SPOCK1: variants seen among roughly 807,000 people sequenced by gnomAD.
The protein encoded by SPOCK1 is SPARC (osteonectin), cwcv and kazal like domains proteoglycan 1.
SPOCK1 carries 23 observed loss-of-function variants against 55.3 expected under a neutral mutation model. The observed-to-expected ratio is 0.42, with a 90% CI of 0.30 to 0.59. SPOCK1 has a LOEUF of 0.59. SPOCK1 is among the 20% of genes least tolerant of loss of function. The probability of loss-of-function intolerance (pLI) is 0.22; values close to 1 mark genes in which losing one functional copy is unlikely to be tolerated. For synonymous variants in SPOCK1, 226 were observed against 221.0 expected (o/e 1.02, Z -0.20); for missense variants, 499 against 552.5 (o/e 0.90, Z 0.97).
chr5:137,227,741 G>T (rs983048543), intron 3 of SPOCK1, among the ~76,000 whole-genome samples: 2 of 152,188 alleles, frequency 1.3e-5, no homozygotes, highest in Admixed American at 1.3e-4. Flanking sequence ...ATGAGGGCAA[G>T]TTATCGTAGG....
chr5:137,342,783 C>T (rs1377951150), intron 2 of SPOCK1, among the ~76,000 whole-genome samples: 2 of 152,214 alleles, frequency 1.3e-5, no homozygotes, highest in Non-Finnish European at 2.9e-5. Flanking sequence ...TTGGCAACAC[C>T]GGAGAGTAGA....
chr5:136,981,994 A>G (rs1163221751), intron 9 of SPOCK1, among the ~76,000 whole-genome samples: 2 of 152,342 alleles, frequency 1.3e-5, no homozygotes, highest in East Asian at 3.9e-4. Flanking sequence ...TTCTATGTTT[A>G]GATATAAAAA....
At chr5:137,207,321 G>T (rs1755536661) in intron 3 of SPOCK1, among the ~76,000 whole-genome samples, 1 of 152,244 alleles carries the variant, frequency 6.6e-6, no homozygotes, top group Non-Finnish European at 1.5e-5. Flanking sequence ...GTGGGGGGCT[G>T]TTCTAAGTTG....
At chr5:137,473,654 C>T (rs984126173) in intron 2 of SPOCK1, among the ~76,000 whole-genome samples, 1 of 152,070 alleles carries the variant, frequency 6.6e-6, no homozygotes, top group East Asian at 1.9e-4. Flanking sequence ...AAAACCTAAT[C>T]GTATATTAAC....
chr5:137,313,020 C>T (rs972765350), intron 2 of SPOCK1, among the ~76,000 whole-genome samples: 28 of 152,134 alleles, frequency 1.8e-4, no homozygotes, highest in African/African-American at 6.0e-4. Flanking sequence ...TCCTGGGTTG[C>T]TGTCTTCCCC....
intron 2 of SPOCK1, among the ~76,000 whole-genome samples, chr5:137,348,418 T>G (rs1233990206): frequency 6.6e-6 from 1 of 151,412 alleles, no homozygotes; most frequent in African/African-American, 2.4e-5. Context: ...ACTTGGTGAT[T>G]TTGTACCCTT....
intron 5 of SPOCK1, among the ~76,000 whole-genome samples, chr5:137,078,896 C>T (rs1268815873): frequency 2.0e-5 from 3 of 152,186 alleles, no homozygotes; most frequent in African/African-American, 7.2e-5. Context: ...ATCCTGCTAT[C>T]CTCAGACAAA....
intron 3 of SPOCK1, among the ~76,000 whole-genome samples, chr5:137,233,713 C>CTTTTTTTTTT (rs56328555): frequency 3.6e-4 from 21 of 58,408 alleles, no homozygotes; most frequent in African/African-American, 7.3e-4. Flanking sequence ...AGGATATGCA[C>CTTTTTTTTTT]TTTTTTTTTT....
chr5:137,019,380 C>T (rs966260868), intron 6 of SPOCK1, among the ~76,000 whole-genome samples: 3 of 152,092 alleles, frequency 2.0e-5, no homozygotes, highest in African/African-American at 4.8e-5. Flanking sequence ...GTTATACATA[C>T]AGTTTAGTGC....
chr5:137,448,569 C>T (rs1207018907), intron 2 of SPOCK1, among the ~76,000 whole-genome samples: 1 of 152,104 alleles, frequency 6.6e-6, no homozygotes, highest in African/African-American at 2.4e-5. Flanking sequence ...GGTATAGCCA[C>T]TAAATGGAAT....
chr5:137,209,133 C>A (rs1755566799), intron 3 of SPOCK1, among the ~76,000 whole-genome samples: 1 of 152,184 alleles, frequency 6.6e-6, no homozygotes, highest in South Asian at 2.1e-4. Context: ...CACCCTTCAA[C>A]CTAATGAGAC....
At chr5:137,010,005 GT>G (rs1751321308) in intron 6 of SPOCK1, among the ~76,000 whole-genome samples, 1 of 152,118 alleles carries the variant, frequency 6.6e-6, no homozygotes, top group African/African-American at 2.4e-5. Flanking sequence ...CTTCAAATAT[GT>G]GTTCACCTGG....
At chr5:137,301,275 C>T (rs936162868) in intron 2 of SPOCK1, among the ~76,000 whole-genome samples, 1 of 152,184 alleles carries the variant, frequency 6.6e-6, no homozygotes, top group South Asian at 2.1e-4. Context: ...AGAGCAGATC[C>T]CAGTAGATGC....
At chr5:137,039,465 C>G (rs1446227477) in intron 6 of SPOCK1, among the ~76,000 whole-genome samples, 1 of 152,066 alleles carries the variant, frequency 6.6e-6, no homozygotes, top group Non-Finnish European at 1.5e-5. Context: ...ACTACTTTTC[C>G]TCAGTATTAT....
intron 6 of SPOCK1, among the ~76,000 whole-genome samples, chr5:137,026,209 C>T (rs1350646191): frequency 6.6e-6 from 1 of 152,198 alleles, no homozygotes; most frequent in Non-Finnish European, 1.5e-5. Flanking sequence ...AACTCATCAC[C>T]ACCAAGGGTA....
chr5:137,067,704 C>CGAAT lies in SPOCK1; in HGVS notation c.589+10_589+11insATTC. 6.2e-7 allele frequency: 1 copy of CGAAT among 1,612,068 alleles called. No homozygotes were observed. The highest frequency in any genetic ancestry group is 8.5e-7 in the Non-Finnish European group (1 of 1,178,254). On this transcript the variant is annotated intron_variant, in intron 6 of 10. Coordinates refer to ENST00000394945, the MANE Select transcript of SPOCK1 (RefSeq NM_004598.4). The stretch of plus-strand genomic sequence containing the variant: ...CTGCCCACGAATTCTCTGAAGGAAA[C>CGAAT]CCTCACTCACCACTCCTTTCTGCCT...
chr5:137,097,106 C>T (rs115132795), intron 5 of SPOCK1, among the ~76,000 whole-genome samples: 5 of 152,122 alleles, frequency 3.3e-5, no homozygotes, highest in African/African-American at 9.7e-5. Flanking sequence ...AGTACTAGTA[C>T]TAGTGTTCAC....
At chr5:137,005,407 A>G (rs1482917199) in intron 6 of SPOCK1, among the ~76,000 whole-genome samples, 1 of 152,210 alleles carries the variant, frequency 6.6e-6, no homozygotes, top group Non-Finnish European at 1.5e-5. Context: ...GGTTTTGAAA[A>G]AAAAAGGAAA....
intron 2 of SPOCK1, among the ~76,000 whole-genome samples, chr5:137,287,165 G>A (rs79173678): frequency 0.039 from 5,946 of 152,218 alleles, 418 homozygotes; most frequent in African/African-American, 0.14. Flanking sequence ...CAAGCATTAT[G>A]GGGACATACA....
Sources: allele counts gnomAD v4.1 joint callset (sites outside exome capture counted in the v4.1 genomes callset), GRCh38; gene constraint gnomAD v4.1.1; transcripts MANE v1.5; gene names NCBI Gene and HGNC (gene_info 2026-07-23, HGNC 2026-07-21).